TMEM132C: variants seen among roughly 807,000 people sequenced by gnomAD.
TMEM132C encodes transmembrane protein 132C.
In TMEM132C, 29 loss-of-function variants were observed where a neutral mutation model predicts 61.4. That is an observed-to-expected ratio of 0.47 (90% CI 0.35 to 0.64). TMEM132C has a LOEUF of 0.64. Ranked by LOEUF, TMEM132C falls within the 30% of genes least tolerant of loss-of-function variation. The pLI is 0.00. For synonymous variants in TMEM132C, 656 were observed against 633.1 expected (o/e 1.04, Z -0.54); for missense variants, 1,408 against 1,476.9 (o/e 0.95, Z 0.76).
chr12:128,327,686 G>A (rs1469658576), intron 1 of TMEM132C, among the ~76,000 whole-genome samples: 1 of 152,080 alleles, frequency 6.6e-6, no homozygotes, highest in Non-Finnish European at 1.5e-5. Flanking sequence ...CCCGGCTGCA[G>A]CTTGGTTTTA....
chr12:128,598,810 G>A (rs1468978413), intron 3 of TMEM132C, among the ~76,000 whole-genome samples: 2 of 136,574 alleles, frequency 1.5e-5, no homozygotes, highest in Non-Finnish European at 3.1e-5. Context: ...GTAATGCTGG[G>A]ACCATGCGCT....
At chr12:128,309,211 T>C (rs1871888624) in intron 1 of TMEM132C, among the ~76,000 whole-genome samples, 1 of 152,178 alleles carries the variant, frequency 6.6e-6, no homozygotes, top group South Asian at 2.1e-4. Context: ...GTTTCAGGAA[T>C]GAGAAGCCAA....
At chr12:128,413,406 T>C (rs1868640809) in intron 1 of TMEM132C, among the ~76,000 whole-genome samples, 1 of 150,600 alleles carries the variant, frequency 6.6e-6, no homozygotes, top group Admixed American at 6.6e-5. Flanking sequence ...AGAAGTAAGA[T>C]GAAAGAGTCA....
chr12:128,299,226 C>T (rs768428490), intron 1 of TMEM132C, among the ~76,000 whole-genome samples: 34 of 152,178 alleles, frequency 2.2e-4, no homozygotes, highest in Non-Finnish European at 1.3e-4. Flanking sequence ...CCCAGGGGCT[C>T]TGTGCTGCCT....
At chr12:128,267,706 C>T (rs11059611) in intron 1 of TMEM132C, among the ~76,000 whole-genome samples, 5 of 152,268 alleles carry the variant, frequency 3.3e-5, no homozygotes, top group African/African-American at 7.2e-5. Context: ...GGTCCCGAGT[C>T]CCGAATCTCC....
chr12:128,380,667 T>C (rs918498026), intron 1 of TMEM132C, among the ~76,000 whole-genome samples: 1 of 152,194 alleles, frequency 6.6e-6, no homozygotes, highest in Non-Finnish European at 1.5e-5. Flanking sequence ...CCTGGTATTT[T>C]GGGAGGCTGA....
At chr12:128,618,641 A>G (rs1322268249) in intron 4 of TMEM132C, among the ~76,000 whole-genome samples, 4 of 152,214 alleles carry the variant, frequency 2.6e-5, no homozygotes, top group African/African-American at 7.2e-5. Context: ...ATGAATGTGA[A>G]TAAGTCTCAA....
At chr12:128,473,706 C>A (rs1014411010) in intron 2 of TMEM132C, among the ~76,000 whole-genome samples, 3 of 152,264 alleles carry the variant, frequency 2.0e-5, no homozygotes, top group African/African-American at 7.2e-5. Flanking sequence ...CCATCTTCAT[C>A]TTCACTCCAG....
At position 128,291,248 on chromosome 12, in the gene TMEM132C, A is replaced by G. The variant is rs143127309; in HGVS notation, c.85+23761A>G. 1.7e-3 allele frequency among the ~76,000 whole-genome samples: 265 copies of G among 152,334 alleles called. 2 individuals carry two copies. The highest frequency in any genetic ancestry group is 6.0e-3 in the African/African-American group (251 of 41,580). ...AGGTGTTGCAAACCTCCCAGGAGTCATGACACAAATGAAGTCCTTTGAAGT... is the reference window on the plus strand; with the variant it reads ...AGGTGTTGCAAACCTCCCAGGAGTCGTGACACAAATGAAGTCCTTTGAAGT... On this transcript the variant is annotated intron_variant, in intron 1 of 8. Coordinates refer to ENST00000435159, the MANE Select transcript of TMEM132C (RefSeq NM_001136103.3).
chr12:128,304,955 C>G (rs1473110419), intron 1 of TMEM132C, among the ~76,000 whole-genome samples: 1 of 152,134 alleles, frequency 6.6e-6, no homozygotes, highest in African/African-American at 2.4e-5. Context: ...TATACAGAGG[C>G]TGGAGTTGCC....
intron 3 of TMEM132C, among the ~76,000 whole-genome samples, chr12:128,607,283 A>C (rs950229230): frequency 6.6e-6 from 1 of 152,148 alleles, no homozygotes; most frequent in African/African-American, 2.4e-5. Flanking sequence ...GAGGGGTAGG[A>C]GAGTCCCAGG....
At chr12:128,585,994 ATG>A (rs1195162972) in intron 3 of TMEM132C, among the ~76,000 whole-genome samples, 1 of 152,182 alleles carries the variant, frequency 6.6e-6, no homozygotes, top group Non-Finnish European at 1.5e-5. Flanking sequence ...AACAACATGA[ATG>A]TGCTTCATGC....
At chr12:128,423,935 A>G (rs1417429988) in intron 2 of TMEM132C, among the ~76,000 whole-genome samples, 1 of 150,294 alleles carries the variant, frequency 6.7e-6, no homozygotes, top group Non-Finnish European at 1.5e-5. Context: ...AGTCCCAGCT[A>G]CTTGGGGGTG....
At chr12:128,352,658 G>A (rs1042677414) in intron 1 of TMEM132C, among the ~76,000 whole-genome samples, 15 of 152,314 alleles carry the variant, frequency 9.8e-5, no homozygotes, top group African/African-American at 2.4e-4. Flanking sequence ...GATGATGGAC[G>A]CAATCACCTT....
rs11059659 is a variant in TMEM132C, at chr12:128,357,184, A to G, written c.86-57548A>G. 4.7e-3 allele frequency among the ~76,000 whole-genome samples: 719 copies of G among 152,192 alleles called. 1 individual carries two copies. Among genetic ancestry groups the G allele is most frequent in the South Asian group, 8.3e-3 (40 of 4,824 alleles). On this transcript the variant is annotated intron_variant, in intron 1 of 8. Coordinates refer to ENST00000435159, the MANE Select transcript of TMEM132C (RefSeq NM_001136103.3). ...AAGTATCGGGTTACTTTGGGGAGAA[A>G]AGTTCAGACCTGTGGCCCACCAAAC...
At chr12:128,632,716 C>A (rs1276918831) in intron 4 of TMEM132C, among the ~76,000 whole-genome samples, 1 of 152,204 alleles carries the variant, frequency 6.6e-6, no homozygotes, top group South Asian at 2.1e-4. Flanking sequence ...AATAAGGTCA[C>A]TGAATGAGAA....
intron 2 of TMEM132C, among the ~76,000 whole-genome samples, chr12:128,479,453 T>C (rs1166411864): frequency 6.6e-6 from 1 of 152,252 alleles, no homozygotes; most frequent in African/African-American, 2.4e-5. Context: ...GGAGATGGGC[T>C]GTAGGTTTTA....
intron 1 of TMEM132C, among the ~76,000 whole-genome samples, chr12:128,283,474 C>T (rs1476486857): frequency 6.6e-6 from 1 of 152,086 alleles, no homozygotes; most frequent in East Asian, 1.9e-4. Context: ...ATTGGCCTTT[C>T]TCTCTTCCTC....
chr12:128,556,513 A>C (rs1468136933), intron 3 of TMEM132C, among the ~76,000 whole-genome samples: 1 of 152,132 alleles, frequency 6.6e-6, no homozygotes, highest in Non-Finnish European at 1.5e-5. Flanking sequence ...GAAATATTCC[A>C]AGGAACATAC....
Sources: allele counts gnomAD v4.1 joint callset (sites outside exome capture counted in the v4.1 genomes callset), GRCh38; gene constraint gnomAD v4.1.1; transcripts MANE v1.5; gene names NCBI Gene and HGNC (gene_info 2026-07-23, HGNC 2026-07-21).